The following SCARA5 variants were observed in gnomAD, a reference collection of about 807,000 sequenced individuals.
SCARA5 encodes scavenger receptor class A, member 5 (putative).
Under a neutral mutation model 46.3 loss-of-function variants are expected in SCARA5, and 45 were observed. That is an observed-to-expected ratio of 0.97 (90% confidence interval 0.76 to 1.24). The LOEUF is 1.24. Ranked by LOEUF, SCARA5 falls within the 50% of genes most tolerant of loss-of-function variation. SCARA5 has a pLI of 0.00. For synonymous variants in SCARA5, 333 were observed against 306.5 expected (o/e 1.09, Z -0.90); for missense variants, 680 against 689.0 (o/e 0.99, Z 0.15).
At chr8:27,908,829 G>A (rs1807317037) in intron 5 of SCARA5, among the ~76,000 whole-genome samples, 1 of 152,196 alleles carries the variant, frequency 6.6e-6, no homozygotes, top group Admixed American at 6.5e-5. Context: ...AGGGCCAGGA[G>A]TAGAGACTGG....
At chr8:27,979,704 C>T (rs1240595612) in intron 2 of SCARA5, among the ~76,000 whole-genome samples, 1 of 152,106 alleles carries the variant, frequency 6.6e-6, no homozygotes, top group African/African-American at 2.4e-5. Context: ...CAGGCACACA[C>T]CGCCACGCCA....
At position 27,955,213 on chromosome 8, in the gene SCARA5, G is replaced by A. The variant is rs186690887; in HGVS notation, c.241+11201C>T. Among the ~76,000 whole-genome samples, 34 of 152,270 alleles carry A rather than the reference G, an allele frequency of 2.2e-4. 1 individual carries two copies. The highest frequency in any genetic ancestry group is 3.4e-3 in the Middle Eastern group (1 of 294). On this transcript the variant is annotated intron_variant, in intron 3 of 8. Coordinates refer to ENST00000354914, the MANE Select transcript of SCARA5 (RefSeq NM_173833.6). ...ACTAGTTGACAGCTGAGCTCAGATT[G>A]GGACTCTTACCAGACAGAAACACAG... is the stretch of plus-strand genomic sequence containing the variant.
chr8:27,920,624 A>G (rs565147728), intron 4 of SCARA5, among the ~76,000 whole-genome samples: 2 of 150,458 alleles, frequency 1.3e-5, no homozygotes, highest in African/African-American at 4.9e-5. Flanking sequence ...AAAAAAAAAA[A>G]ACCAAAACAA....
At chr8:27,907,754 G>C in intron 5 of SCARA5, among the ~76,000 whole-genome samples, 1 of 152,018 alleles carries the variant, frequency 6.6e-6, no homozygotes, top group Non-Finnish European at 1.5e-5. Context: ...ATTTTTAATA[G>C]AGACATGGTT....
At chr8:27,967,709 T>C (rs962543475) in intron 2 of SCARA5, among the ~76,000 whole-genome samples, 1 of 152,090 alleles carries the variant, frequency 6.6e-6, no homozygotes, top group Non-Finnish European at 1.5e-5. Flanking sequence ...GGTCAGGAAT[T>C]CGACACCAGC....
rs1426292650 is a variant in SCARA5 at position 27,992,641 on chromosome 8, C to G, written c.-400G>C. 1 of 152,290 alleles carries G rather than the reference C, an allele frequency of 6.6e-6. No homozygotes were observed. The highest frequency in any genetic ancestry group is 6.5e-5 in the Admixed American group (1 of 15,290). 9.4% of individuals were successfully genotyped at this position (152,290 alleles called of 1,614,324 possible). On this transcript the variant is annotated 5_prime_UTR_variant, in exon 1 of 9. Coordinates refer to ENST00000354914, the MANE Select transcript of SCARA5 (RefSeq NM_173833.6). Reference sequence around the variant, plus strand: ...GCTCCTCTAGGTACTGCCTGAGATGCGAACTGCAGCTGCTCTCGCCGCCAG... The same window carrying G: ...GCTCCTCTAGGTACTGCCTGAGATGGGAACTGCAGCTGCTCTCGCCGCCAG...
chr8:27,876,220 T>A (rs990963429), intron 8 of SCARA5, among the ~76,000 whole-genome samples: 1 of 152,166 alleles, frequency 6.6e-6, no homozygotes, highest in African/African-American at 2.4e-5. Context: ...AATTCTTCAA[T>A]AGCGGAAGAA....
chr8:27,953,843 T>C (rs1393046290), intron 3 of SCARA5, among the ~76,000 whole-genome samples: 1 of 152,094 alleles, frequency 6.6e-6, no homozygotes, highest in Non-Finnish European at 1.5e-5. Context: ...CAAAAAAGGT[T>C]GAAGATTTTT....
At chr8:27,973,426 G>T (rs145937768) in intron 2 of SCARA5, among the ~76,000 whole-genome samples, 1 of 152,074 alleles carries the variant, frequency 6.6e-6, no homozygotes, top group South Asian at 2.1e-4. Flanking sequence ...GCAGTGAGCC[G>T]AGATCGCGCC....
intron 3 of SCARA5, among the ~76,000 whole-genome samples, chr8:27,936,561 C>A (rs533437733): frequency 1.7e-5 from 2 of 117,642 alleles, no homozygotes; most frequent in African/African-American, 6.3e-5. Flanking sequence ...TGCACTCCAG[C>A]CTGGGTGAGA....
At chr8:27,985,071 A>G (rs1439255406) in intron 2 of SCARA5, among the ~76,000 whole-genome samples, 1 of 152,246 alleles carries the variant, frequency 6.6e-6, no homozygotes, top group Non-Finnish European at 1.5e-5. Context: ...GGAGACATCA[A>G]TAAGCAAAAC....
chr8:27,909,802 C>A (rs1807343502), intron 4 of SCARA5, 59 bp from the exon 5 acceptor site: 1 of 1,220,392 alleles, frequency 8.2e-7, no homozygotes, highest in Non-Finnish European at 1.2e-6. Context: ...AGGACCAGGT[C>A]ATCTGTAGAG....
chr8:27,907,215 C>A lies in SCARA5; in HGVS notation c.1029G>T (p.Leu343Phe). 1 of 1,613,618 alleles carries A rather than the reference C, an allele frequency of 6.2e-7. No homozygotes were observed. Among genetic ancestry groups the A allele is most frequent in the East Asian group, 2.2e-5 (1 of 44,858 alleles). ...TCCCATCATCGCCCTTGGGCCCGGG[C>A]AATCCTGGGGTACCTCTCTCCCCGG... ...GLPGERGTPG[L>F]PGPKGDDGKL... The change falls in exon 6 of 9, where the codon TTG becomes TTT. Residue 343 changes from leucine to phenylalanine, a missense_variant. Physicochemically the swap from Leu to Phe is conservative, Grantham distance 22. Transcript: ENST00000354914.
chr8:27,928,647 T>C (rs968820497), intron 3 of SCARA5, among the ~76,000 whole-genome samples: 2 of 151,896 alleles, frequency 1.3e-5, no homozygotes, highest in African/African-American at 2.4e-5. Flanking sequence ...TCTTTCTTTC[T>C]CTTTTTCTTT....
chr8:27,897,268 C>T (rs2726971), intron 7 of SCARA5, among the ~76,000 whole-genome samples: 115,120 of 152,040 alleles, frequency 0.76, 47,292 homozygotes, highest in Non-Finnish European at 0.92. Flanking sequence ...CAAAGGCTCC[C>T]GGGGACCTCC....
intron 3 of SCARA5, among the ~76,000 whole-genome samples, chr8:27,961,066 C>T (rs550101319): frequency 6.6e-6 from 1 of 152,162 alleles, no homozygotes; most frequent in Non-Finnish European, 1.5e-5. Flanking sequence ...CTAGGTTATG[C>T]TATCAAGGTT....
chr8:27,944,106 A>G (rs1807995277), intron 3 of SCARA5, among the ~76,000 whole-genome samples: 1 of 152,240 alleles, frequency 6.6e-6, no homozygotes, highest in Non-Finnish European at 1.5e-5. Context: ...ACTGGCCTGC[A>G]TTCTTTAAAA....
intron 3 of SCARA5, among the ~76,000 whole-genome samples, chr8:27,931,019 C>T (rs1388613219): frequency 7.9e-5 from 12 of 152,172 alleles, no homozygotes; most frequent in Admixed American, 7.9e-4. Flanking sequence ...CTTCAGGTGG[C>T]AGGCAAAACT....
At chr8:27,967,715 C>T (rs1808390982) in intron 2 of SCARA5, among the ~76,000 whole-genome samples, 1 of 152,120 alleles carries the variant, frequency 6.6e-6, no homozygotes, top group Non-Finnish European at 1.5e-5. Flanking sequence ...GAATTCGACA[C>T]CAGCCTGGCC....
Sources: gnomAD v4.1 joint callset for allele counts (sites outside exome capture counted in the v4.1 genomes callset) on GRCh38, gnomAD v4.1.1 for gene constraint, MANE v1.5 for transcripts, NCBI Gene and HGNC (gene_info 2026-07-23, HGNC 2026-07-21) for gene names.